Variants in GDPGP1 observed in about 807,000 individuals in gnomAD.
GDPGP1 encodes GDP-D-glucose phosphorylase C15orf58.
In GDPGP1, 18 loss-of-function variants were observed where a neutral mutation model predicts 19.2. That is an observed-to-expected ratio of 0.94 (90% CI 0.65 to 1.39). GDPGP1 has a LOEUF of 1.39. Among genes scored for constraint, GDPGP1 ranks in the 40% most tolerant of loss-of-function variants. The probability of loss-of-function intolerance (pLI) is 0.00; values close to 1 mark genes in which losing one functional copy is unlikely to be tolerated. For synonymous variants in GDPGP1, 219 were observed against 208.9 expected, an observed-to-expected ratio of 1.05 and a Z score of -0.42; for missense variants, 449 against 490.5, an observed-to-expected ratio of 0.92 and a Z score of 0.80.
rs2151640971 is a variant in GDPGP1 at position 90,242,368 on chromosome 15, TC to T, written c.*305del. ...TTGAACTCTTGGGCTGAAGCAGTCC[TC>T]CCACCTCGGCCTCCCAAAGTACTGA... On this transcript the variant is annotated 3_prime_UTR_variant, in exon 4 of 4. Coordinates refer to ENST00000329600, the MANE Select transcript of GDPGP1 (RefSeq NM_001013657.3). The T allele has an allele frequency of 5.8e-6, 1 of 173,438 alleles. No individual in the cohort carries two copies. The highest frequency in any genetic ancestry group is 1.9e-4 in the South Asian group (1 of 5,184). 10.7% of individuals were successfully genotyped at this position (173,438 alleles called of 1,614,324 possible).
chr15:90,240,562 CA>C (rs1300152200), intron 3 of GDPGP1, among the ~76,000 whole-genome samples: 2 of 151,874 alleles, frequency 1.3e-5, no homozygotes, highest in African/African-American at 2.4e-5. Context: ...CCTGTAATCC[CA>C]GCACTTTGGG....
Position 90,234,234 on chromosome 15 carries a change from C to G in GDPGP1, c.-200C>G. On this transcript the variant is annotated 5_prime_UTR_variant, in exon 1 of 4. Transcript: ENST00000329600. ...GTATGCGTCACGGGCGTCATGACCT[C>G]GCTGTGGCCCCGGCAGCGGCTGCGG... 4.0e-6 allele frequency: 1 copy of G among 249,566 alleles called. No individual in the cohort carries two copies. The highest frequency in any genetic ancestry group is 7.6e-6 in the Non-Finnish European group (1 of 131,448). 15.5% of individuals were successfully genotyped at this position (249,566 alleles called of 1,614,324 possible). A position where few individuals can be genotyped will look rare whatever the true frequency, so the allele number is the denominator to read the frequency against.
At position 90,242,039 on chromosome 15, in the gene GDPGP1, G is replaced by T. The variant is rs753265269; in HGVS notation, c.1131G>T (p.Val377=). ...CAGAAGACGTACAGGCAGCACTGGT[G>T]GCCCTGATGTCCCAGGAAGAGCAAT... ...SQAEDVQAAL[V]ALMSQEEQ is the part of the protein sequence containing the mutation. The change falls in exon 4 of 4, where the codon GTG becomes GTT. Residue 377 remains valine (V), a synonymous_variant. Transcript: ENST00000329600. 1.9e-6 allele frequency: 3 copies of T among 1,609,302 alleles called. No individual in the cohort carries two copies. In the South Asian group the frequency reaches 3.3e-5, roughly 18 times the overall value.
chr15:90,234,819 G>A (rs1367243713), intron 2 of GDPGP1, among the ~76,000 whole-genome samples: 2 of 152,160 alleles, frequency 1.3e-5, no homozygotes, highest in African/African-American at 2.4e-5. Context: ...CTAGGATAAT[G>A]TTTGGCACAT....
chr15:90,234,770 C>T (rs1359898357), intron 2 of GDPGP1, among the ~76,000 whole-genome samples, 174 bp downstream of exon 2: 1 of 152,204 alleles, frequency 6.6e-6, no homozygotes, highest in African/African-American at 2.4e-5. Context: ...CATCTCACCC[C>T]TAGACTGCTG....
chr15:90,237,579 C>G (rs374147795), intron 2 of GDPGP1, among the ~76,000 whole-genome samples: 15 of 152,050 alleles, frequency 9.9e-5, no homozygotes, highest in African/African-American at 3.6e-4. Context: ...TGTGAGCCAC[C>G]GCACCCAGCC....
chr15:90,236,273 G>A (rs1173256172), intron 2 of GDPGP1: 1 of 152,174 alleles, frequency 6.6e-6, no homozygotes, highest in Non-Finnish European at 1.5e-5. Context: ...CCCAACCTCA[G>A]GTGATCGCCT....
Position 90,241,182 on chromosome 15 carries a change from G to A in GDPGP1, c.274G>A (p.Val92Met). Reference protein sequence around the residue: ...ELQTQILPGAVGFVAQLNVER... With the variant: ...ELQTQILPGAMGFVAQLNVER... ...ACAGACCCAAATCCTCCCTGGTGCT[G>A]TGGGTTTCGTGGCTCAGCTGAATGT... Residue 92 changes from valine to methionine, a missense_variant, in exon 4 of 4, where the codon GTG becomes ATG. Transcript: ENST00000329600. 1 of 1,614,196 alleles carries A rather than the reference G, an allele frequency of 6.2e-7. No homozygotes were observed.
chr15:90,242,172 C>G lies in GDPGP1; in HGVS notation c.*106C>G, dbSNP rs981057299. 7.5e-6 allele frequency: 7 copies of G among 938,182 alleles called. No homozygotes were observed. The African/African-American group carries it at 8.3e-5, about 11-fold the overall frequency. 58.1% of individuals were successfully genotyped at this position (938,182 alleles called of 1,614,324 possible). On this transcript the variant is annotated 3_prime_UTR_variant, in exon 4 of 4. Coordinates refer to ENST00000329600, the MANE Select transcript of GDPGP1 (RefSeq NM_001013657.3). ...GTATGATCCTGGCTCACTGTAGCCT[C>G]CACCTCTGGGGCTGAAGTGATCCTC...
chr15:90,236,326 T>G (rs1962635956), intron 2 of GDPGP1: 1 of 152,146 alleles, frequency 6.6e-6, no homozygotes, highest in African/African-American at 2.4e-5. Context: ...CGTGCGCCAC[T>G]GCACCCAGCC....
chr15:90,237,725 T>C (rs1390272954), intron 2 of GDPGP1, among the ~76,000 whole-genome samples: 1 of 152,198 alleles, frequency 6.6e-6, no homozygotes, highest in Non-Finnish European at 1.5e-5. Flanking sequence ...TTTTTTGGTT[T>C]TGTATTATTT....
Position 90,241,799 on chromosome 15 carries a change from G to A in GDPGP1, c.891G>A (p.Pro297=), listed in dbSNP as rs751349552. 27 of 1,614,098 alleles carry A rather than the reference G, an allele frequency of 1.7e-5. No individual in the cohort carries two copies. Among genetic ancestry groups the A allele is most frequent in the East Asian group, 2.2e-5 (1 of 44,896 alleles). ...TGTTTGTCACCCGGGGAGCTCCGCC[G>A]GGAAAGACATCACCTTCCTCAGCCC... ...HNLFVTRGAP[P]GKTSPSSALT... Residue 297 remains proline (P), a synonymous_variant, in exon 4 of 4, where the codon CCG becomes CCA. Coordinates refer to ENST00000329600, the MANE Select transcript of GDPGP1 (RefSeq NM_001013657.3).
intron 3 of GDPGP1, among the ~76,000 whole-genome samples, chr15:90,238,961 G>C (rs1962690490): frequency 6.6e-6 from 1 of 152,038 alleles, no homozygotes; most frequent in Admixed American, 6.6e-5. Flanking sequence ...ACCAAAACCT[G>C]AGCCATGGAC....
rs57782328 is a variant in GDPGP1, at chr15:90,243,943, G to GT, written c.*1892dup. 7,100 of 137,736 alleles carry GT rather than the reference G, an allele frequency of 0.052. 461 individuals are homozygous for GT. Among genetic ancestry groups the GT allele is most frequent in the African/African-American group, 0.16 (5,898 of 37,906 alleles). The allele number at this position is 137,736 out of a possible 1,614,324, so 8.5% of individuals were successfully genotyped here. A position where few individuals can be genotyped will look rare whatever the true frequency, so the allele number is the denominator to read the frequency against. ...GCATGAGCCACTGCACCTGGCCTGA[G>GT]TTTTTTTTTTTTTTTCTTGAATCAG... On this transcript the variant is annotated 3_prime_UTR_variant, in exon 4 of 4. Coordinates refer to ENST00000329600, the MANE Select transcript of GDPGP1 (RefSeq NM_001013657.3).
Position 90,241,808 on chromosome 15 carries a change from A to T in GDPGP1, c.900A>T (p.Thr300=), listed in dbSNP as rs767311035. 1.2e-6 allele frequency: 2 copies of T among 1,614,114 alleles called. No individual in the cohort carries two copies. The highest frequency in any genetic ancestry group is 1.1e-5 in the South Asian group (1 of 91,086). ...CCCGGGGAGCTCCGCCGGGAAAGAC[A>T]TCACCTTCCTCAGCCCTCACAGGGG... ...FVTRGAPPGK[T]SPSSALTGVR... is the part of the protein sequence containing the mutation. Residue 300 remains threonine (T), a synonymous_variant, in exon 4 of 4, where the codon ACA becomes ACT. Transcript: ENST00000329600.
chr15:90,235,093 C>G (rs1247498605), intron 2 of GDPGP1, among the ~76,000 whole-genome samples: 1 of 152,162 alleles, frequency 6.6e-6, no homozygotes, highest in Non-Finnish European at 1.5e-5. Context: ...CCTATTGGCT[C>G]TCTGTCTTTC....
chr15:90,235,090 GCTCT>G (rs1962604016), intron 2 of GDPGP1, among the ~76,000 whole-genome samples: 1 of 151,984 alleles, frequency 6.6e-6, no homozygotes, highest in Non-Finnish European at 1.5e-5. Flanking sequence ...CCTCCTATTG[GCTCT>G]CTGTCTTTCA....
chr15:90,240,050 C>G (rs1276726614), intron 3 of GDPGP1, among the ~76,000 whole-genome samples: 3 of 151,350 alleles, frequency 2.0e-5, no homozygotes, highest in Admixed American at 2.0e-4. Context: ...ATGGTGAAAC[C>G]CTGTCTCTAC....
chr15:90,235,968 C>T (rs1177944378), intron 2 of GDPGP1: 1 of 152,216 alleles, frequency 6.6e-6, no homozygotes, highest in Non-Finnish European at 1.5e-5. Flanking sequence ...CATTATGTCT[C>T]CTGTACTAAA....
Sources: allele counts gnomAD v4.1 joint callset (sites outside exome capture counted in the v4.1 genomes callset), GRCh38; gene constraint gnomAD v4.1.1; transcripts MANE v1.5; gene names NCBI Gene and HGNC (gene_info 2026-07-23, HGNC 2026-07-21).